CSMD3: variants seen among roughly 807,000 people sequenced by gnomAD.
CSMD3 encodes CUB and Sushi multiple domains 3, also known as CUB and sushi domain-containing protein 3.
CSMD3 carries 177 observed loss-of-function variants against 435.2 expected under a neutral mutation model. The observed-to-expected ratio is 0.41, with a 90% CI of 0.36 to 0.46. CSMD3 has a LOEUF of 0.46. Among genes scored for constraint, CSMD3 ranks in the 20% least tolerant of loss-of-function variants. The pLI is 0.34. For missense variants in CSMD3, 4,265 were observed against 4,504.6 expected, an observed-to-expected ratio of 0.95 and a Z score of 1.52; for synonymous variants, 1,656 against 1,520.5, an observed-to-expected ratio of 1.09 and a Z score of -2.07.
Position 112,301,707 on chromosome 8 carries a change from T to C in CSMD3, c.8440+86A>G, listed in dbSNP as rs1423542889. On this transcript the variant is annotated intron_variant, in intron 53 of 70. Transcript: ENST00000297405. ...TACTTACTGAATGAATATAAATTAG[T>C]ATCTCATATTAGGGAAAAAGAGATG... The C allele has an allele frequency of 6.4e-6, 6 of 932,020 alleles. No homozygotes were observed. In the African/African-American group the frequency reaches 8.2e-5, roughly 13 times the overall value. The allele number at this position is 932,020 out of a possible 1,614,324, so 57.7% of individuals were successfully genotyped here.
intron 52 of CSMD3, among the ~76,000 whole-genome samples, chr8:112,303,681 G>C (rs888924903): frequency 7.2e-5 from 11 of 151,798 alleles, no homozygotes; most frequent in African/African-American, 2.4e-4. Context: ...GATTATCTTG[G>C]AACACAGGGC....
intron 22 of CSMD3, among the ~76,000 whole-genome samples, chr8:112,588,242 T>TC (rs1830895646): frequency 6.6e-6 from 1 of 151,758 alleles, no homozygotes; most frequent in African/African-American, 2.4e-5. Context: ...ATGGGAACAG[T>TC]CAGAGAAAGA....
chr8:113,171,018 AG>A (rs1268081407), intron 4 of CSMD3, among the ~76,000 whole-genome samples: 11 of 151,730 alleles, frequency 7.2e-5, no homozygotes, highest in Non-Finnish European at 1.2e-4. Context: ...AAAAAAAAAA[AG>A]CAATAGAAGC....
chr8:112,569,132 G>T (rs1829296477), intron 24 of CSMD3, among the ~76,000 whole-genome samples: 1 of 152,136 alleles, frequency 6.6e-6, no homozygotes, highest in Admixed American at 6.6e-5. Flanking sequence ...TTGTATTTCT[G>T]ATAAAAGGAG....
intron 10 of CSMD3, among the ~76,000 whole-genome samples, chr8:112,901,177 G>C (rs1024449887): frequency 6.6e-6 from 1 of 151,276 alleles, no homozygotes; most frequent in African/African-American, 2.4e-5. Flanking sequence ...TTTGACTTTT[G>C]CTTCAGATAT....
In CSMD3 at chr8:112,492,670, C is replaced by G. The variant is rs2130854653; in HGVS notation, c.5097G>C (p.Glu1699Asp). 2 of 1,613,772 alleles carry G rather than the reference C, an allele frequency of 1.2e-6. No homozygotes were observed. The highest frequency in any genetic ancestry group is 1.7e-6 in the Non-Finnish European group (2 of 1,179,766). Residue 1699 changes from glutamate to aspartate, a missense_variant, in exon 31 of 71, where the codon GAG (glutamate) becomes GAC (aspartate). Glu to Asp is a conservative substitution (Grantham distance 45). Transcript: ENST00000297405. ...FHLEYKAKLR[E>D]SCFDPGNIMN... ...TTATATTGCCTGGATCAAAGCAGGA[C>G]TCTCGCAGTTTTGCTGTAAAACAGT...
intron 1 of CSMD3, among the ~76,000 whole-genome samples, chr8:113,317,477 G>A (rs1349183166): frequency 6.6e-6 from 1 of 152,110 alleles, no homozygotes; most frequent in Non-Finnish European, 1.5e-5. Flanking sequence ...GCTGATTCAT[G>A]GATTTCGAGT....
chr8:112,624,524 T>G (rs1437283130), intron 22 of CSMD3, among the ~76,000 whole-genome samples: 14 of 152,090 alleles, frequency 9.2e-5, no homozygotes, highest in African/African-American at 3.1e-4. Flanking sequence ...CAGACAAATC[T>G]ATTCTTTACA....
chr8:112,479,223 T>A (rs986914526), intron 31 of CSMD3, among the ~76,000 whole-genome samples: 6 of 152,162 alleles, frequency 3.9e-5, no homozygotes, highest in Non-Finnish European at 7.3e-5. Flanking sequence ...GAAGAAAATA[T>A]CGTACATCAC....
intron 32 of CSMD3, among the ~76,000 whole-genome samples, chr8:112,422,701 A>T (rs1372121379): frequency 6.6e-6 from 1 of 152,088 alleles, no homozygotes; most frequent in Non-Finnish European, 1.5e-5. Flanking sequence ...TCACATGTAC[A>T]CTCCCAACAA....
intron 1 of CSMD3, among the ~76,000 whole-genome samples, chr8:113,319,932 A>G (rs941627832): frequency 1.1e-4 from 17 of 151,952 alleles, no homozygotes; most frequent in Non-Finnish European, 8.8e-5. Flanking sequence ...GTCTCCTCTG[A>G]TGATTGTTTT....
chr8:112,941,653 TG>T (rs1332708116), intron 9 of CSMD3, among the ~76,000 whole-genome samples: 1 of 151,822 alleles, frequency 6.6e-6, no homozygotes, highest in African/African-American at 2.4e-5. Flanking sequence ...TATCTGAGGT[TG>T]TAACAAACAT....
intron 45 of CSMD3, among the ~76,000 whole-genome samples, chr8:112,332,937 T>C (rs1824204016): frequency 1.3e-5 from 2 of 152,200 alleles, no homozygotes; most frequent in Admixed American, 6.6e-5. Context: ...AGTTGAGCTA[T>C]GTAAAATTGC....
chr8:112,349,576 A>G (rs1563824965), intron 40 of CSMD3, among the ~76,000 whole-genome samples: 1 of 152,120 alleles, frequency 6.6e-6, no homozygotes, highest in Non-Finnish European at 1.5e-5. Flanking sequence ...TCAATTGGAT[A>G]TACACATAAA....
intron 4 of CSMD3, among the ~76,000 whole-genome samples, chr8:113,157,864 T>C (rs1568552): frequency 0.15 from 23,003 of 151,998 alleles, 3,371 homozygotes; most frequent in African/African-American, 0.38. Flanking sequence ...TTATGCTATT[T>C]TCTGAAAAGT....
chr8:113,038,745 GAAGA>G (rs751934414), intron 5 of CSMD3, among the ~76,000 whole-genome samples: 2 of 152,210 alleles, frequency 1.3e-5, no homozygotes, highest in Admixed American at 6.5e-5. Flanking sequence ...ACAACTTAGG[GAAGA>G]AAGACCATAA....
chr8:112,273,934 A>AC lies in CSMD3; in HGVS notation c.9508+7239dup, dbSNP rs145186368. 2.2e-3 allele frequency among the ~76,000 whole-genome samples: 304 copies of AC among 139,570 alleles called. 1 individual carries two copies. The highest frequency in any genetic ancestry group is 4.1e-3 in the Admixed American group (57 of 13,830). 91.6% of individuals were successfully genotyped at this position (139,570 alleles called of 152,430 possible). On this transcript the variant is annotated intron_variant, in intron 59 of 70. Transcript: ENST00000297405. ...TACAGTTTAGTGGTATAGGTAACAT[A>AC]CAAAAAAAAAAAAAAAGCTATACAG...
intron 10 of CSMD3, among the ~76,000 whole-genome samples, chr8:112,908,454 T>C (rs2082321473): frequency 6.6e-6 from 1 of 151,518 alleles, no homozygotes; most frequent in Non-Finnish European, 1.5e-5. Flanking sequence ...CTATAATTTG[T>C]TTGAAACTGC....
chr8:113,119,178 A>G (rs990851383), intron 4 of CSMD3, among the ~76,000 whole-genome samples: 14 of 152,150 alleles, frequency 9.2e-5, no homozygotes, highest in Non-Finnish European at 1.9e-4. Flanking sequence ...TTTTTCCCCA[A>G]TGAAATTCAG....
Sources: allele counts gnomAD v4.1 joint callset (sites outside exome capture counted in the v4.1 genomes callset), GRCh38; gene constraint gnomAD v4.1.1; transcripts MANE v1.5; gene names NCBI Gene and HGNC (gene_info 2026-07-23, HGNC 2026-07-21).